HS6ST3: variants seen among roughly 807,000 people sequenced by gnomAD.
HS6ST3 encodes heparan-sulfate 6-O-sulfotransferase 3.
HS6ST3 carries 12 observed loss-of-function variants against 36.7 expected under a neutral mutation model. The ratio of observed to expected loss-of-function variants is 0.33; its 90% CI spans 0.21 to 0.53. The LOEUF is 0.53. Ranked by LOEUF, HS6ST3 falls within the 20% of genes least tolerant of loss-of-function variation. The pLI is 0.95. For missense variants in HS6ST3, 584 were observed against 640.9 expected, an observed-to-expected ratio of 0.91 and a Z score of 0.96; for synonymous variants, 240 against 257.5, an observed-to-expected ratio of 0.93 and a Z score of 0.65.
intron 1 of HS6ST3, among the ~76,000 whole-genome samples, chr13:96,561,950 A>T (rs1172387602): frequency 1.3e-5 from 2 of 152,226 alleles, no homozygotes; most frequent in Non-Finnish European, 2.9e-5. Flanking sequence ...TAGTTCAGTC[A>T]CTGTGAAAAA....
At chr13:96,165,959 G>C (rs2139331450) in intron 1 of HS6ST3, among the ~76,000 whole-genome samples, 2 of 152,270 alleles carry the variant, frequency 1.3e-5, no homozygotes, top group Non-Finnish European at 2.9e-5. Context: ...CCCTAGGGGA[G>C]GGAGACCAGA....
chr13:96,509,071 T>C (rs2056038254), intron 1 of HS6ST3, among the ~76,000 whole-genome samples: 1 of 152,216 alleles, frequency 6.6e-6, no homozygotes, highest in South Asian at 2.1e-4. Flanking sequence ...TGGTATCTCA[T>C]TGTGGTTTTA....
At chr13:96,594,766 C>T (rs2056395534) in intron 1 of HS6ST3, among the ~76,000 whole-genome samples, 1 of 152,138 alleles carries the variant, frequency 6.6e-6, no homozygotes. Flanking sequence ...TACACACCAC[C>T]ATTATAATAT....
At chr13:96,330,876 T>C (rs2055062457) in intron 1 of HS6ST3, among the ~76,000 whole-genome samples, 1 of 150,134 alleles carries the variant, frequency 6.7e-6, no homozygotes, top group African/African-American at 2.5e-5. Context: ...GAGGCTTTGC[T>C]CATTTCTTTT....
intron 1 of HS6ST3, among the ~76,000 whole-genome samples, chr13:96,570,589 T>G (rs2056297517): frequency 6.6e-6 from 1 of 152,220 alleles, no homozygotes; most frequent in African/African-American, 2.4e-5. Flanking sequence ...ACCCCTTGCC[T>G]CCTGGCTGTC....
At chr13:96,364,154 A>C (rs980010536) in intron 1 of HS6ST3, among the ~76,000 whole-genome samples, 1 of 152,168 alleles carries the variant, frequency 6.6e-6, no homozygotes, top group African/African-American at 2.4e-5. Context: ...GTATGTAGAA[A>C]AATTGAAACC....
At chr13:96,436,360 A>C (rs1031584537) in intron 1 of HS6ST3, among the ~76,000 whole-genome samples, 2 of 152,186 alleles carry the variant, frequency 1.3e-5, no homozygotes, top group Non-Finnish European at 2.9e-5. Flanking sequence ...CATATTTTAA[A>C]AGTTGAATTT....
At chr13:96,274,255 T>C (rs1209922172) in intron 1 of HS6ST3, among the ~76,000 whole-genome samples, 1 of 151,922 alleles carries the variant, frequency 6.6e-6, no homozygotes, top group Non-Finnish European at 1.5e-5. Flanking sequence ...CTTACACATG[T>C]TCTCTGAATC....
chr13:96,614,852 T>A (rs2056468703), intron 1 of HS6ST3, among the ~76,000 whole-genome samples: 1 of 152,202 alleles, frequency 6.6e-6, no homozygotes, highest in African/African-American at 2.4e-5. Flanking sequence ...TTTCTACAAA[T>A]GCTGGTTAAA....
chr13:96,567,720 C>T (rs1286664565), intron 1 of HS6ST3, among the ~76,000 whole-genome samples: 4 of 152,186 alleles, frequency 2.6e-5, no homozygotes, highest in South Asian at 2.1e-4. Flanking sequence ...GGACATGTTT[C>T]GTGAATACAC....
At chr13:96,490,799 T>C (rs1301064510) in intron 1 of HS6ST3, among the ~76,000 whole-genome samples, 1 of 152,224 alleles carries the variant, frequency 6.6e-6, no homozygotes, top group African/African-American at 2.4e-5. Flanking sequence ...AACTTGTTGA[T>C]AACCCCACGC....
chr13:96,099,638 G>T (rs116821114), intron 1 of HS6ST3, among the ~76,000 whole-genome samples: 209 of 152,244 alleles, frequency 1.4e-3, no homozygotes, highest in African/African-American at 4.6e-3. Context: ...GCTTTTATTG[G>T]TAAGTACTGT....
chr13:96,239,395 A>G (rs977464153), intron 1 of HS6ST3, among the ~76,000 whole-genome samples: 4 of 152,224 alleles, frequency 2.6e-5, no homozygotes, highest in African/African-American at 4.8e-5. Flanking sequence ...AATGAAATCA[A>G]TCATTTAGCA....
In HS6ST3 at chr13:96,832,685, C is replaced by T. The variant is rs375298542; in HGVS notation, c.903C>T (p.Cys301=). The change falls in exon 2 of 2, where the codon TGC becomes TGT. Residue 301 remains cysteine, a synonymous_variant. Coordinates refer to ENST00000376705, the MANE Select transcript of HS6ST3 (RefSeq NM_153456.4). ...SGVSLREFMD[C]TYNLANNRQV... is the part of the protein sequence containing the mutation. ...TCAGCTTGCGGGAGTTTATGGATTG[C>T]ACCTACAACCTGGCTAACAATCGCC... 1.7e-5 allele frequency: 27 copies of T among 1,613,892 alleles called. No homozygotes were observed. The highest frequency in any genetic ancestry group is 2.3e-5 in the Non-Finnish European group (27 of 1,179,870).
At chr13:96,315,162 C>T (rs2054962024) in intron 1 of HS6ST3, among the ~76,000 whole-genome samples, 1 of 152,092 alleles carries the variant, frequency 6.6e-6, no homozygotes, top group African/African-American at 2.4e-5. Context: ...CATACTACAC[C>T]CAGTGTCTGC....
chr13:96,833,048 C>T lies in HS6ST3; in HGVS notation c.1266C>T (p.Thr422=). 1 of 1,613,544 alleles carries T rather than the reference C, an allele frequency of 6.2e-7. No homozygotes were observed. Among genetic ancestry groups the T allele is most frequent in the Non-Finnish European group, 8.5e-7 (1 of 1,180,014 alleles). ...KDLFQQRYHH[T]KQLEHQRDRQ... is the part of the protein sequence containing the mutation. ...TCTTCCAGCAGCGCTACCACCACAC[C>T]AAGCAGCTAGAGCACCAGAGGGACC... Residue 422 remains threonine, a synonymous_variant, in exon 2 of 2, where the codon ACC becomes ACT. Coordinates refer to ENST00000376705, the MANE Select transcript of HS6ST3 (RefSeq NM_153456.4).
chr13:96,700,311 G>A (rs1372923429), intron 1 of HS6ST3, among the ~76,000 whole-genome samples: 7 of 152,086 alleles, frequency 4.6e-5, no homozygotes, highest in African/African-American at 1.4e-4. Context: ...ATCACATCTC[G>A]TGAGACTTAT....
intron 1 of HS6ST3, among the ~76,000 whole-genome samples, chr13:96,533,449 C>G (rs2056143516): frequency 6.6e-6 from 1 of 152,218 alleles, no homozygotes; most frequent in African/African-American, 2.4e-5. Flanking sequence ...GCATTATGTT[C>G]TGCATCTGTT....
intron 1 of HS6ST3, among the ~76,000 whole-genome samples, chr13:96,428,429 C>G (rs887212619): frequency 6.6e-6 from 1 of 152,152 alleles, no homozygotes; most frequent in African/African-American, 2.4e-5. Context: ...GACTGGAGGT[C>G]TGAAATCAGG....
Sources: gnomAD v4.1 joint callset for allele counts (sites outside exome capture counted in the v4.1 genomes callset) on GRCh38, gnomAD v4.1.1 for gene constraint, MANE v1.5 for transcripts, NCBI Gene and HGNC (gene_info 2026-07-23, HGNC 2026-07-21) for gene names.